KCNC2: variants seen among roughly 807,000 people sequenced by gnomAD.
The protein encoded by KCNC2 is voltage-gated potassium channel KCNC2.
A neutral mutation model predicts 44.5 loss-of-function variants in KCNC2; 21 were observed. The ratio of observed to expected loss-of-function variants is 0.47; its 90% CI spans 0.33 to 0.68. KCNC2 has a LOEUF of 0.68. KCNC2 is among the 30% of genes least tolerant of loss of function. The probability of loss-of-function intolerance (pLI) is 0.01; values close to 1 mark genes in which losing one functional copy is unlikely to be tolerated. For synonymous variants in KCNC2, 391 were observed against 339.1 expected, an observed-to-expected ratio of 1.15 and a Z score of -1.68; for missense variants, 589 against 826.2, an observed-to-expected ratio of 0.71 and a Z score of 3.52.
At chr12:75,043,768 G>A in intron 4 of KCNC2, 3 of 1,509,342 alleles carry the variant, frequency 2.0e-6, no homozygotes, top group Non-Finnish European at 2.7e-6. Context: ...ATGGCATTTG[G>A]TGCCATTATC....
chr12:75,152,101 A>T (rs746652824), intron 2 of KCNC2, among the ~76,000 whole-genome samples: 24 of 149,736 alleles, frequency 1.6e-4, no homozygotes, highest in Non-Finnish European at 3.0e-4. Flanking sequence ...CAAAGTTTTA[A>T]AAAGTGCCCA....
intron 2 of KCNC2, among the ~76,000 whole-genome samples, chr12:75,157,279 C>T (rs1890826196): frequency 1.3e-5 from 2 of 151,776 alleles, no homozygotes; most frequent in African/African-American, 4.8e-5. Flanking sequence ...AGTCCTTGCC[C>T]TTCCTTCTTG....
intron 2 of KCNC2, among the ~76,000 whole-genome samples, chr12:75,067,359 A>G (rs1290328241): frequency 6.6e-6 from 1 of 152,240 alleles, no homozygotes; most frequent in Non-Finnish European, 1.5e-5. Flanking sequence ...ACAAGTAGAT[A>G]GATCAATTAT....
chr12:75,177,238 T>G (rs1892252137), intron 2 of KCNC2, among the ~76,000 whole-genome samples: 1 of 151,810 alleles, frequency 6.6e-6, no homozygotes, highest in Non-Finnish European at 1.5e-5. Context: ...ATCCATTCCC[T>G]CTACTTCTCA....
chr12:75,172,095 G>A (rs571673215), intron 2 of KCNC2, among the ~76,000 whole-genome samples: 1 of 151,750 alleles, frequency 6.6e-6, no homozygotes, highest in East Asian at 1.9e-4. Context: ...CTCAAATGAA[G>A]AGAATAAGCC....
At chr12:75,142,751 G>A (rs149079610) in intron 2 of KCNC2, among the ~76,000 whole-genome samples, 19 of 152,270 alleles carry the variant, frequency 1.2e-4, no homozygotes, top group East Asian at 3.9e-4. Flanking sequence ...GTCTCACAGC[G>A]TAGTAGTTGG....
intron 2 of KCNC2, among the ~76,000 whole-genome samples, chr12:75,089,530 A>G (rs1885301219): frequency 6.6e-6 from 1 of 151,918 alleles, no homozygotes; most frequent in African/African-American, 2.4e-5. Context: ...AAATTTTAAA[A>G]TATTGAATAT....
rs918280783 is a variant in KCNC2 at position 75,151,189 on chromosome 12, G to T, written c.687+56108C>A. On this transcript the variant is annotated intron_variant, in intron 2 of 4. Transcript: ENST00000549446. ...CTTGCACAGAAAATTAAATATAGGAGAAACAAACCCTTTATTTGTATGAAA... is the reference window on the plus strand; with the variant it reads ...CTTGCACAGAAAATTAAATATAGGATAAACAAACCCTTTATTTGTATGAAA... 3.3e-5 allele frequency among the ~76,000 whole-genome samples: 5 copies of T among 151,838 alleles called. No individual in the cohort carries two copies. In the East Asian group the frequency reaches 9.7e-4, roughly 29 times the overall value.
intron 2 of KCNC2, among the ~76,000 whole-genome samples, chr12:75,173,504 G>C (rs1222052299): frequency 6.6e-6 from 1 of 151,718 alleles, no homozygotes; most frequent in East Asian, 1.9e-4. Flanking sequence ...AAACAAAAGT[G>C]GGTATAAAGA....
At position 75,207,770 on chromosome 12, in the gene KCNC2, G is replaced by C; in HGVS notation, c.214C>G (p.Pro72Ala). The change falls in exon 2 of 5, where the codon CCC (proline) becomes GCC (alanine). Residue 72 changes from proline (P) to alanine (A), a missense_variant. Around this residue, in one of 7 missense-constraint regions of KCNC2, gnomAD observed 148 missense variants for 140.1 expected, o/e 1.06. Transcript: ENST00000549446. The surrounding 1 kb of genome is among the most constrained non-coding windows in gnomAD (Gnocchi z 4.1). ...CCCTCGAAGCAGCCGCCTGGCCCGG[G>C]GGACAGCGGGGGCGCTCTCGGCGGC... ...SPPPRAPPLS[P>A]GPGGCFEGGA... 6.3e-7 allele frequency: 1 copy of C among 1,576,094 alleles called. No homozygotes were observed. Among genetic ancestry groups the C allele is most frequent in the Non-Finnish European group, 8.6e-7 (1 of 1,162,216 alleles).
chr12:75,140,837 A>G (rs1889598565), intron 2 of KCNC2, among the ~76,000 whole-genome samples: 1 of 151,754 alleles, frequency 6.6e-6, no homozygotes, highest in African/African-American at 2.4e-5. Flanking sequence ...AAATTGAGAG[A>G]TTTTCTATTT....
At chr12:75,184,440 A>T (rs1431847565) in intron 2 of KCNC2, among the ~76,000 whole-genome samples, 2 of 152,210 alleles carry the variant, frequency 1.3e-5, no homozygotes, top group Non-Finnish European at 2.9e-5. Context: ...TAATGATAAC[A>T]TCAACCACTG....
intron 2 of KCNC2, among the ~76,000 whole-genome samples, chr12:75,064,114 T>C: frequency 6.6e-6 from 1 of 152,038 alleles, no homozygotes; most frequent in South Asian, 2.1e-4. Context: ...GTTTCTAAAA[T>C]CAGACTCCTC....
chr12:75,178,169 T>TGA (rs1376062612), intron 2 of KCNC2, among the ~76,000 whole-genome samples: 1 of 152,016 alleles, frequency 6.6e-6, no homozygotes, highest in Non-Finnish European at 1.5e-5. Context: ...AAGAGACTCT[T>TGA]CTACTTTCAT....
chr12:75,183,084 C>A (rs1056365428), intron 2 of KCNC2, among the ~76,000 whole-genome samples: 1 of 152,204 alleles, frequency 6.6e-6, no homozygotes, highest in African/African-American at 2.4e-5. Flanking sequence ...CATAGTAGTT[C>A]ATGGCTGAGA....
intron 2 of KCNC2, among the ~76,000 whole-genome samples, chr12:75,206,205 C>A (rs1248433734): frequency 6.6e-6 from 1 of 152,124 alleles, no homozygotes; most frequent in African/African-American, 2.4e-5. Flanking sequence ...TGGGAGAATT[C>A]CCATTCTGCC....
chr12:75,153,211 G>A (rs1204033745), intron 2 of KCNC2, among the ~76,000 whole-genome samples: 2 of 151,924 alleles, frequency 1.3e-5, no homozygotes, highest in Non-Finnish European at 2.9e-5. Flanking sequence ...GTGTTCCTAA[G>A]GTACATGTAA....
At chr12:75,115,805 AATT>A (rs1482205251) in intron 2 of KCNC2, among the ~76,000 whole-genome samples, 1 of 152,096 alleles carries the variant, frequency 6.6e-6, no homozygotes, top group Non-Finnish European at 1.5e-5. Context: ...TAAGAAACAA[AATT>A]ATTAAGAATG....
At chr12:75,098,806 A>G (rs74452490) in intron 2 of KCNC2, among the ~76,000 whole-genome samples, 1,679 of 151,994 alleles carry the variant, frequency 0.011, 23 homozygotes, top group African/African-American at 0.039. Flanking sequence ...TATCTCAGCA[A>G]TCACACTGGA....
Sources: gnomAD v4.1 joint callset for allele counts (sites outside exome capture counted in the v4.1 genomes callset) on GRCh38, gnomAD v4.1.1 for gene constraint, gnomAD v4.1.1 regional missense constraint, Gnocchi (gnomAD v3.1) non-coding constraint, MANE v1.5 for transcripts, NCBI Gene and HGNC (gene_info 2026-07-23, HGNC 2026-07-21) for gene names.